The following MACF1 variants were observed in gnomAD, a reference collection of about 807,000 sequenced individuals.
MACF1 encodes microtubule-actin cross-linking factor 1.
Under a neutral mutation model 854.8 loss-of-function variants are expected in MACF1, and 193 were observed. The observed-to-expected ratio is 0.23, with a 90% CI of 0.20 to 0.25. The LOEUF (loss-of-function observed/expected upper bound fraction) is 0.25. MACF1 is among the 10% of genes least tolerant of loss of function. The pLI, the probability that MACF1 is intolerant of heterozygous loss-of-function variation, is 1.00. For missense variants in MACF1, 7,722 were observed against 8,929.1 expected, an observed-to-expected ratio of 0.86 and a Z score of 5.45; for synonymous variants, 3,185 against 3,226.7, an observed-to-expected ratio of 0.99 and a Z score of 0.44.
intron 2 of MACF1, among the ~76,000 whole-genome samples, chr1:39,237,602 G>A (rs1266008275): frequency 1.3e-5 from 2 of 152,120 alleles, no homozygotes; most frequent in Non-Finnish European, 2.9e-5. Flanking sequence ...TTAGAGGAGT[G>A]AAGTGACTTT....
rs929304110 is a variant in MACF1 at position 39,084,725 on chromosome 1, A to G, written c.220+287A>G. ...TTATATTTTCTATGCAGTTGCCTTCATGGCTTAGGTACCATTCTGCATCTG... is the reference window on the plus strand; with the variant it reads ...TTATATTTTCTATGCAGTTGCCTTCGTGGCTTAGGTACCATTCTGCATCTG... On this transcript the variant is annotated intron_variant, in intron 2 of 93. Transcript: ENST00000361689. This position sits in a 1 kb window ranked among gnomAD's most constrained non-coding sequence, Gnocchi z 5.2. 6.6e-6 allele frequency among the ~76,000 whole-genome samples: 1 copy of G among 152,130 alleles called. No homozygotes were observed.
intron 2 of MACF1, among the ~76,000 whole-genome samples, chr1:39,090,803 G>C (rs1187592001): frequency 6.6e-6 from 1 of 152,164 alleles, no homozygotes. Flanking sequence ...GCAGGATCTA[G>C]GGCTGCACTT....
intron 2 of MACF1, chr1:39,103,209 C>T (rs947503008): frequency 2.0e-5 from 7 of 357,756 alleles, no homozygotes; most frequent in East Asian, 7.0e-5. Context: ...ATTCTCACAG[C>T]GGACTCTTCC....
chr1:39,290,203 G>T (rs1645746640), intron 15 of MACF1, among the ~76,000 whole-genome samples: 1 of 152,138 alleles, frequency 6.6e-6, no homozygotes, highest in Admixed American at 6.6e-5. Flanking sequence ...TTTGATTTTT[G>T]TGTATGATGA....
rs1645621835 is a variant in MACF1, at chr1:39,285,309, G to A, written c.1272G>A (p.Leu424=). 1 of 1,614,156 alleles carries A rather than the reference G, an allele frequency of 6.2e-7. No homozygotes were observed. Among genetic ancestry groups the A allele is most frequent in the East Asian group, 2.2e-5 (1 of 44,880 alleles). The change falls in exon 13 of 101, where the codon CTG becomes CTA. Residue 424 remains leucine, a synonymous_variant. Transcript: ENST00000564288. Reference sequence around the variant, plus strand: ...TATCTTATTTCAGGCTGGAATTGCTGCTACAGATTGCAAACAAAATCCAGA... The same window carrying A: ...TATCTTATTTCAGGCTGGAATTGCTACTACAGATTGCAAACAAAATCCAGA... ...LRPAVERLEL[L]LQIANKIQNG... is the part of the protein sequence containing the mutation.
chr1:39,432,283 A>G (rs1643888543), intron 66 of MACF1, among the ~76,000 whole-genome samples: 1 of 152,152 alleles, frequency 6.6e-6, no homozygotes, highest in Non-Finnish European at 1.5e-5. Context: ...TTTGAAGGGG[A>G]TTGATATCTG....
chr1:39,420,928 C>T (rs1480924974), intron 58 of MACF1, among the ~76,000 whole-genome samples: 2 of 147,380 alleles, frequency 1.4e-5, no homozygotes, highest in Non-Finnish European at 3.0e-5. Context: ...TGCAGTGGCT[C>T]AGTCTCGGCT....
At position 39,380,227 on chromosome 1, in the gene MACF1, G is replaced by T. The variant is rs1258748242; in HGVS notation, c.13519-17G>T. 9 of 1,609,646 alleles carry T rather than the reference G, an allele frequency of 5.6e-6. No homozygotes were observed. Among genetic ancestry groups the T allele is most frequent in the Non-Finnish European group, 7.6e-6 (9 of 1,178,366 alleles). Reference sequence around the variant, plus strand: ...CTGTCCAGAATCTCATGGCATGCATGGCATTCTTTCTCCTAGGCCTTCCTG... The same window carrying T: ...CTGTCCAGAATCTCATGGCATGCATTGCATTCTTTCTCCTAGGCCTTCCTG... On this transcript the variant is annotated splice_polypyrimidine_tract_variant and intron_variant, in intron 54 of 100. Transcript: ENST00000564288.
At position 39,166,711 on chromosome 1, in the gene MACF1, C is replaced by T. The variant is rs564089854; in HGVS notation, c.221-64471C>T. Among the ~76,000 whole-genome samples the T allele has an allele frequency of 2.9e-4, 44 of 152,104 alleles. 1 individual carries two copies. The East Asian group carries it at 8.2e-3, about 28-fold the overall frequency. ...CAGGTGACCCATCTGCCTTGGCCTC[C>T]CAGAGTGCTGGGATTACAGGCGTGA... On this transcript the variant is annotated intron_variant, in intron 2 of 93. Coordinates refer to the MACF1 transcript ENST00000361689.
At position 39,337,249 on chromosome 1, in the gene MACF1, G is replaced by C. The variant is rs141097376; in HGVS notation, c.10133G>C (p.Arg3378Pro). The C allele has an allele frequency of 2.4e-5, 39 of 1,613,864 alleles. No individual in the cohort carries two copies. Among genetic ancestry groups the C allele is most frequent in the Admixed American group, 3.3e-5 (2 of 59,990 alleles). ...CTAGTATCCTATCTGTCTCTGTTAC[G>C]GAACATTGAAATGAGGACCAAACAG... is the stretch of plus-strand genomic sequence containing the variant. ...EKLVSYLSLL[R>P]NIEMRTKQIQ... is the part of the protein sequence containing the mutation. The change falls in exon 38 of 101, where the codon CGG (arginine) becomes CCG (proline). Residue 3378 changes from arginine to proline, a missense_variant. By Grantham distance (103) the Arg-to-Pro change is moderately radical (BLOSUM62 -2). This residue lies in a region of MACF1 where 854 missense variants were observed against 852.6 expected (regional missense o/e 1.00). Coordinates refer to ENST00000564288, the MANE Select transcript of MACF1 (RefSeq NM_001394062.1).
chr1:39,218,182 CAAAAAA>C (rs36113375), intron 1 of MACF1, among the ~76,000 whole-genome samples: 4 of 84,484 alleles, frequency 4.7e-5, no homozygotes, highest in Non-Finnish European at 6.3e-5. Context: ...GACTCCGTCT[CAAAAAA>C]AAAAAAAAAA....
chr1:39,465,219 G>A (rs1644640904), intron 95 of MACF1, 107 bp downstream of exon 95: 2 of 1,126,374 alleles, frequency 1.8e-6, no homozygotes, highest in African/African-American at 1.5e-5. Context: ...GCATGCCTGG[G>A]TCGCACCTGG....
At chr1:39,142,367 A>G (rs1224379775) in intron 2 of MACF1, among the ~76,000 whole-genome samples, 30 of 152,200 alleles carry the variant, frequency 2.0e-4, no homozygotes, top group Admixed American at 2.0e-3. Context: ...TCCCACCTTA[A>G]AATCCTGGAT....
At chr1:39,443,706 C>T in intron 79 of MACF1, 132 bp downstream of exon 79, 1 of 1,007,958 alleles carries the variant, frequency 9.9e-7, no homozygotes, top group South Asian at 1.9e-5. Context: ...ATAGTATAAC[C>T]TTTGGGGATT....
Position 39,287,415 on chromosome 1 carries a change from AC to A in MACF1, c.1641del (p.Leu548Ter). 1 of 1,614,138 alleles carries A rather than the reference AC, an allele frequency of 6.2e-7. No homozygotes were observed. The highest frequency in any genetic ancestry group is 8.5e-7 in the Non-Finnish European group (1 of 1,180,018). On this transcript the variant is annotated frameshift_variant, in exon 15 of 101. Coordinates refer to ENST00000564288, the MANE Select transcript of MACF1 (RefSeq NM_001394062.1). LOFTEE classifies it high-confidence loss of function. ...TAACCACCACTCATCTGAAAGCAGA[AC>A]CCTTAACCAAGGCAACCCATTCTTC... is the stretch of plus-strand genomic sequence containing the variant. The part of the protein sequence containing the change: ...TLTTTHLKAE[P>X]LTKATHSSST...
At chr1:39,423,276 A>G (rs967292789) in intron 60 of MACF1, among the ~76,000 whole-genome samples, 3 of 152,204 alleles carry the variant, frequency 2.0e-5, no homozygotes, top group African/African-American at 7.2e-5. Context: ...TTTTTAAAAA[A>G]AATTTATCCC....
Position 39,377,065 on chromosome 1 carries a change from C to T in MACF1, c.13214-1396C>T, listed in dbSNP as rs766367528. Among the ~76,000 whole-genome samples, 6 of 151,922 alleles carry T rather than the reference C, an allele frequency of 3.9e-5. 1 individual carries two copies. The highest frequency in any genetic ancestry group is 4.1e-4 in the South Asian group (2 of 4,824). On this transcript the variant is annotated intron_variant, in intron 52 of 100. Transcript: ENST00000564288. ...TTGCTCTGTCGCCCAGACTGGAGTGCGGTGGCACCATCTTGGCTCACTGCA... is the reference window on the plus strand; with the variant it reads ...TTGCTCTGTCGCCCAGACTGGAGTGTGGTGGCACCATCTTGGCTCACTGCA...
intron 58 of MACF1, among the ~76,000 whole-genome samples, chr1:39,416,122 G>A (rs774406464): frequency 6.6e-5 from 10 of 152,198 alleles, no homozygotes; most frequent in Non-Finnish European, 1.3e-4. Context: ...CTTTGATTAA[G>A]AGGATTGATT....
chr1:39,292,209 C>T (rs139723616), intron 16 of MACF1, among the ~76,000 whole-genome samples, 171 bp downstream of exon 16: 1 of 152,316 alleles, frequency 6.6e-6, no homozygotes, highest in East Asian at 1.9e-4. Flanking sequence ...ATCTGTTAAT[C>T]TTTGAAATAA....
Sources: allele counts gnomAD v4.1 joint callset (sites outside exome capture counted in the v4.1 genomes callset), GRCh38; gene constraint gnomAD v4.1.1; regional missense constraint gnomAD v4.1.1; non-coding constraint Gnocchi (gnomAD v3.1); transcripts MANE v1.5; gene names NCBI Gene and HGNC (gene_info 2026-07-23, HGNC 2026-07-21).